Variants in DOCK3 observed in about 807,000 individuals in gnomAD.
DOCK3 encodes the protein dedicator of cytokinesis protein 3.
In DOCK3, 60 loss-of-function variants were observed where a neutral mutation model predicts 265.6. The observed-to-expected ratio is 0.23, with a 90% CI of 0.18 to 0.28. The LOEUF (loss-of-function observed/expected upper bound fraction) is 0.28. DOCK3 is among the 10% of genes least tolerant of loss of function. DOCK3 has a pLI of 1.00. For synonymous variants in DOCK3, 881 were observed against 938.0 expected, an observed-to-expected ratio of 0.94 and a Z score of 1.11; for missense variants, 1,981 against 2,594.3, an observed-to-expected ratio of 0.76 and a Z score of 5.14.
At position 51,341,404 on chromosome 3, in the gene DOCK3, G is replaced by C. The variant is rs79271178; in HGVS notation, c.3915+19G>C. ...AGGCAAGGTATGCATCATTAGGCAAGCCCTTTAGCCCTTCAGCTTCTGCTG... is the reference window on the plus strand; with the variant it reads ...AGGCAAGGTATGCATCATTAGGCAACCCCTTTAGCCCTTCAGCTTCTGCTG... On this transcript the variant is annotated intron_variant, in intron 38 of 52. Coordinates refer to ENST00000266037, the MANE Select transcript of DOCK3 (RefSeq NM_004947.5). 22 of 1,612,220 alleles carry C rather than the reference G, an allele frequency of 1.4e-5. No homozygotes were observed. In the East Asian group the frequency reaches 4.7e-4, roughly 34 times the overall value.
At chr3:50,829,518 A>G (rs537228154) in intron 2 of DOCK3, among the ~76,000 whole-genome samples, 1 of 152,198 alleles carries the variant, frequency 6.6e-6, no homozygotes, top group East Asian at 1.9e-4. Flanking sequence ...GGTAGCCCTC[A>G]ATGTCAACAT....
intron 1 of DOCK3, among the ~76,000 whole-genome samples, chr3:50,722,529 C>T (rs1428922716): frequency 1.3e-5 from 2 of 152,114 alleles, no homozygotes; most frequent in East Asian, 1.9e-4. Flanking sequence ...TTCCTTTAGC[C>T]TCTACTGTTC....
chr3:51,310,414 C>A, intron 28 of DOCK3, 88 bp downstream of exon 28: 3 of 1,235,244 alleles, frequency 2.4e-6, no homozygotes, highest in Non-Finnish European at 3.5e-6. Context: ...AGCACATGAG[C>A]AAGACAAATA....
intron 40 of DOCK3, among the ~76,000 whole-genome samples, chr3:51,352,947 A>T (rs977203366): frequency 9.2e-5 from 14 of 152,202 alleles, no homozygotes; most frequent in African/African-American, 3.1e-4. Flanking sequence ...TGCACAGGCC[A>T]TCTATTACTT....
intron 1 of DOCK3, among the ~76,000 whole-genome samples, chr3:50,755,079 T>A (rs2040078438): frequency 6.6e-6 from 1 of 152,226 alleles, no homozygotes; most frequent in African/African-American, 2.4e-5. Context: ...CAGAAAAATT[T>A]GAGTTTAAGC....
chr3:50,982,423 C>G (rs946119865), intron 5 of DOCK3, among the ~76,000 whole-genome samples: 1 of 152,110 alleles, frequency 6.6e-6, no homozygotes, highest in Non-Finnish European at 1.5e-5. Flanking sequence ...CCACTGCCAT[C>G]GTGCTGGCTG....
chr3:50,881,637 C>G (rs530412102), intron 3 of DOCK3, among the ~76,000 whole-genome samples: 1 of 152,300 alleles, frequency 6.6e-6, no homozygotes, highest in East Asian at 1.9e-4. Flanking sequence ...AATGGAAGAA[C>G]ATTCCATGCT....
At chr3:50,792,268 G>A (rs1438752096) in intron 2 of DOCK3, among the ~76,000 whole-genome samples, 1 of 151,898 alleles carries the variant, frequency 6.6e-6, no homozygotes, top group East Asian at 1.9e-4. Flanking sequence ...GGCTGTTGTT[G>A]GTGTATAGGA....
At chr3:51,076,391 A>G (rs1178926919) in intron 7 of DOCK3, among the ~76,000 whole-genome samples, 1 of 152,216 alleles carries the variant, frequency 6.6e-6, no homozygotes, top group Non-Finnish European at 1.5e-5. Context: ...GCTTGAGCTC[A>G]GGATTTTGAG....
chr3:50,675,441 GGCAGGTGCGGGTGCGGGT>G lies in DOCK3; in HGVS notation c.37+144_37+161del. The G allele has an allele frequency of 1.4e-6, 1 of 734,412 alleles. No homozygotes were observed. Among genetic ancestry groups the G allele is most frequent in the Admixed American group, 5.5e-5 (1 of 18,154 alleles). 45.5% of individuals were successfully genotyped at this position (734,412 alleles called of 1,614,324 possible). ...CGGCGCGGGGCGAGCGCGGGGTGGG[GGCAGGTGCGGGTGCGGGT>G]GCGGGTGCGGGGGTGGGCGCGGGTC... On this transcript the variant is annotated intron_variant, in intron 1 of 52. Transcript: ENST00000266037. This position sits in a 1 kb window ranked among gnomAD's most constrained non-coding sequence, Gnocchi z 6.1.
chr3:51,341,111 G>T (rs764406354), intron 37 of DOCK3, 126 bp from the exon 38 acceptor site: 34 of 1,187,166 alleles, frequency 2.9e-5, no homozygotes, highest in Non-Finnish European at 3.7e-5. Flanking sequence ...AGTATCCAGT[G>T]TCCCCGACCT....
At chr3:50,893,210 A>G (rs1477010117) in intron 4 of DOCK3, 2 of 266,612 alleles carry the variant, frequency 7.5e-6, no homozygotes, top group Non-Finnish European at 7.3e-6. Flanking sequence ...AAGATGAAGG[A>G]TCGGGAATAC....
chr3:50,719,856 G>T, intron 1 of DOCK3: 1 of 712,822 alleles, frequency 1.4e-6, no homozygotes, highest in Admixed American at 1.8e-5. Flanking sequence ...ATTCTTTCCA[G>T]TGCTCAGAGC....
chr3:51,274,418 G>A (rs1480360), intron 24 of DOCK3, among the ~76,000 whole-genome samples: 118,139 of 152,076 alleles, frequency 0.78, 46,980 homozygotes, highest in Middle Eastern at 0.89. Flanking sequence ...TTCATACTAA[G>A]TATACCATTT....
At chr3:51,274,407 G>C (rs577197050) in intron 24 of DOCK3, among the ~76,000 whole-genome samples, 33 of 152,286 alleles carry the variant, frequency 2.2e-4, no homozygotes, top group African/African-American at 7.9e-4. Flanking sequence ...AGTCAGCGTA[G>C]TTCATACTAA....
intron 50 of DOCK3, among the ~76,000 whole-genome samples, chr3:51,375,281 C>T (rs1230820799): frequency 6.6e-6 from 1 of 152,222 alleles, no homozygotes; most frequent in Non-Finnish European, 1.5e-5. Context: ...TGCTTGGCAG[C>T]TGCCCATTAA....
At chr3:50,836,977 C>T (rs2045547039) in intron 2 of DOCK3, among the ~76,000 whole-genome samples, 1 of 152,192 alleles carries the variant, frequency 6.6e-6, no homozygotes, top group South Asian at 2.1e-4. Flanking sequence ...CCAACAAGTT[C>T]CCCTTCTCCA....
At chr3:51,354,223 C>CCCG (rs975516753) in intron 40 of DOCK3, among the ~76,000 whole-genome samples, 45 of 128,654 alleles carry the variant, frequency 3.5e-4, no homozygotes, top group African/African-American at 1.4e-3. Flanking sequence ...GATCACCACC[C>CCCG]CCCCCCCATT....
chr3:50,862,574 A>T (rs1056697472), intron 3 of DOCK3, among the ~76,000 whole-genome samples: 1 of 152,194 alleles, frequency 6.6e-6, no homozygotes, highest in Non-Finnish European at 1.5e-5. Flanking sequence ...GTGGGAATGC[A>T]GTCTGCTTCC....
Sources: allele counts gnomAD v4.1 joint callset (sites outside exome capture counted in the v4.1 genomes callset), GRCh38; gene constraint gnomAD v4.1.1; non-coding constraint Gnocchi (gnomAD v3.1); transcripts MANE v1.5; gene names NCBI Gene and HGNC (gene_info 2026-07-23, HGNC 2026-07-21).